Variants in GRID2 observed in about 807,000 individuals in gnomAD.
The protein encoded by GRID2 is glutamate ionotropic receptor delta type subunit 2, also known as glutamate receptor ionotropic, delta-2.
In GRID2, 33 loss-of-function variants were observed where a neutral mutation model predicts 114.8. That is an observed-to-expected ratio of 0.29 (90% CI 0.22 to 0.38). The LOEUF is 0.38. Among genes scored for constraint, GRID2 ranks in the 10% least tolerant of loss-of-function variants. The pLI is 1.00. For synonymous variants in GRID2, 505 were observed against 449.9 expected, an observed-to-expected ratio of 1.12 and a Z score of -1.55; for missense variants, 1,184 against 1,257.7, an observed-to-expected ratio of 0.94 and a Z score of 0.89.
At chr4:92,677,150 C>A (rs62310182) in intron 2 of GRID2, among the ~76,000 whole-genome samples, 1 of 151,960 alleles carries the variant, frequency 6.6e-6, no homozygotes, top group African/African-American at 2.4e-5. Flanking sequence ...TTAATGTGTA[C>A]AGTTTCAGTA....
intron 2 of GRID2, among the ~76,000 whole-genome samples, chr4:92,907,523 T>C (rs1334415182): frequency 6.6e-6 from 1 of 152,082 alleles, no homozygotes; most frequent in East Asian, 2.0e-4. Flanking sequence ...GCAATTCTCC[T>C]GCCTCAGTCC....
At chr4:92,796,507 C>A (rs1312631457) in intron 2 of GRID2, among the ~76,000 whole-genome samples, 1 of 151,874 alleles carries the variant, frequency 6.6e-6, no homozygotes, top group Non-Finnish European at 1.5e-5. Context: ...TGATCATAAA[C>A]CCAACTTTAT....
At chr4:92,995,142 C>G (rs1428713138) in intron 2 of GRID2, among the ~76,000 whole-genome samples, 2 of 152,194 alleles carry the variant, frequency 1.3e-5, no homozygotes, top group Non-Finnish European at 2.9e-5. Flanking sequence ...CCTCCCTCCT[C>G]TAGTGGGCAG....
chr4:93,785,555 G>T (rs735256), intron 1 of GRID2, among the ~76,000 whole-genome samples: 64,179 of 152,008 alleles, frequency 0.42, 13,966 homozygotes, highest in Middle Eastern at 0.53. Flanking sequence ...AAAATATCAA[G>T]AAAATTTTTA....
In GRID2 at chr4:92,559,283, GA is replaced by G. The variant is rs549884588; in HGVS notation, c.89-30844del. ...AATATTGATAAACTGGTTACTGATAGAAAATCCAGTCTCTACATTTAAGAAA... is the reference window on the plus strand; with the variant it reads ...AATATTGATAAACTGGTTACTGATAGAAATCCAGTCTCTACATTTAAGAAA... On this transcript the variant is annotated intron_variant, in intron 1 of 15. Coordinates refer to ENST00000282020, the MANE Select transcript of GRID2 (RefSeq NM_001510.4). Among the ~76,000 whole-genome samples the G allele has an allele frequency of 6.6e-5, 10 of 152,246 alleles. No individual in the cohort carries two copies. In the South Asian group the frequency reaches 2.1e-3, roughly 32 times the overall value.
intron 8 of GRID2, among the ~76,000 whole-genome samples, chr4:93,317,121 T>A (rs577700306): frequency 5.1e-4 from 77 of 152,092 alleles, no homozygotes; most frequent in Non-Finnish European, 1.0e-3. Flanking sequence ...GCTTTTTATA[T>A]CTGAGGTGAT....
intron 8 of GRID2, among the ~76,000 whole-genome samples, chr4:93,384,320 T>C (rs532456219): frequency 6.6e-6 from 1 of 152,296 alleles, no homozygotes; most frequent in East Asian, 1.9e-4. Context: ...GAATGGTATG[T>C]GTGCACAGGG....
chr4:92,556,527 A>G (rs1390737707), intron 1 of GRID2, among the ~76,000 whole-genome samples: 1 of 152,142 alleles, frequency 6.6e-6, no homozygotes, highest in Non-Finnish European at 1.5e-5. Flanking sequence ...CCAAAACTTA[A>G]TGGCTCACAG....
chr4:92,375,934 TA>T (rs147128810), intron 1 of GRID2, among the ~76,000 whole-genome samples: 2,406 of 152,284 alleles, frequency 0.016, 71 homozygotes, highest in African/African-American at 0.056. Context: ...TGCTTACTGA[TA>T]TTTTTTTGAA....
At chr4:93,416,482 A>G (rs1767723116) in intron 9 of GRID2, among the ~76,000 whole-genome samples, 1 of 152,036 alleles carries the variant, frequency 6.6e-6, no homozygotes, top group Non-Finnish European at 1.5e-5. Flanking sequence ...TGTGAGCAGA[A>G]TTATAAAGAA....
At chr4:93,356,775 C>T (rs1761377283) in intron 8 of GRID2, among the ~76,000 whole-genome samples, 1 of 151,780 alleles carries the variant, frequency 6.6e-6, no homozygotes, top group African/African-American at 2.4e-5. Context: ...CATATTTTTT[C>T]ATCAGAATCA....
intron 9 of GRID2, among the ~76,000 whole-genome samples, chr4:93,408,728 G>T (rs1198982235): frequency 6.6e-6 from 1 of 151,978 alleles, no homozygotes; most frequent in Non-Finnish European, 1.5e-5. Flanking sequence ...AGCCTTTGTA[G>T]CTTTAAGTTC....
rs150244075 is a variant in GRID2, at chr4:92,499,683, G to T, written c.89-90448G>T. On this transcript the variant is annotated intron_variant, in intron 1 of 15. Coordinates refer to ENST00000282020, the MANE Select transcript of GRID2 (RefSeq NM_001510.4). The stretch of plus-strand genomic sequence containing the variant: ...GCTGGAGTGCAATGGCGTGATCTTG[G>T]CTCACTGCAACCTCTCTGCCTTCTG... Among the ~76,000 whole-genome samples, 791 of 152,236 alleles carry T rather than the reference G, an allele frequency of 5.2e-3. 5 individuals are homozygous for T. The highest frequency in any genetic ancestry group is 0.018 in the African/African-American group (753 of 41,552).
At chr4:93,211,724 C>G (rs1029614342) in intron 5 of GRID2, among the ~76,000 whole-genome samples, 3 of 152,142 alleles carry the variant, frequency 2.0e-5, no homozygotes, top group African/African-American at 7.2e-5. Flanking sequence ...TGCCTAGCCT[C>G]TTAAAAATAC....
At chr4:93,747,989 T>C (rs1731995122) in intron 14 of GRID2, among the ~76,000 whole-genome samples, 1 of 152,138 alleles carries the variant, frequency 6.6e-6, no homozygotes, top group Non-Finnish European at 1.5e-5. Flanking sequence ...TTTGGTTATA[T>C]TGGTTTCTAG....
At chr4:93,494,798 T>A (rs1727371611) in intron 12 of GRID2, among the ~76,000 whole-genome samples, 1 of 151,808 alleles carries the variant, frequency 6.6e-6, no homozygotes, top group African/African-American at 2.4e-5. Flanking sequence ...TTCAAACACC[T>A]AGAAATTGGA....
intron 1 of GRID2, among the ~76,000 whole-genome samples, chr4:92,450,901 TAAA>T (rs1720889991): frequency 7.0e-6 from 1 of 142,792 alleles, no homozygotes. Flanking sequence ...TCAAATAAAA[TAAA>T]AATAAAATAA....
intron 1 of GRID2, among the ~76,000 whole-genome samples, chr4:92,553,778 G>A (rs965022264): frequency 6.6e-6 from 1 of 152,010 alleles, no homozygotes; most frequent in Non-Finnish European, 1.5e-5. Context: ...AGCCTCCCAA[G>A]TAGCTGGGAC....
intron 2 of GRID2, among the ~76,000 whole-genome samples, chr4:92,917,510 T>A (rs1748911972): frequency 6.6e-6 from 1 of 152,232 alleles, no homozygotes; most frequent in Non-Finnish European, 1.5e-5. Flanking sequence ...CGTTTAAGTC[T>A]TTAATCGATC....
Sources: allele counts gnomAD v4.1 joint callset (sites outside exome capture counted in the v4.1 genomes callset), GRCh38; gene constraint gnomAD v4.1.1; transcripts MANE v1.5; gene names NCBI Gene and HGNC (gene_info 2026-07-23, HGNC 2026-07-21).